CDH13: variants seen among roughly 807,000 people sequenced by gnomAD.
The protein encoded by CDH13 is cadherin-13.
CDH13 carries 24 observed loss-of-function variants against 63.8 expected under a neutral mutation model. The observed-to-expected ratio is 0.38, with a 90% CI of 0.27 to 0.53. The LOEUF (loss-of-function observed/expected upper bound fraction) is 0.53. Among genes scored for constraint, CDH13 ranks in the 20% least tolerant of loss-of-function variants. The pLI is 0.85. For missense variants in CDH13, 1,049 were observed against 903.1 expected (o/e 1.16, Z -2.07); for synonymous variants, 503 against 355.3 (o/e 1.42, Z -4.67).
intron 4 of CDH13, among the ~76,000 whole-genome samples, chr16:83,147,021 G>C (rs1567876209): frequency 6.6e-6 from 1 of 152,106 alleles, no homozygotes; most frequent in Non-Finnish European, 1.5e-5. Context: ...TCAAGAGGTG[G>C]AGGCTACAGT....
At chr16:82,907,233 C>T (rs905659289) in intron 2 of CDH13, among the ~76,000 whole-genome samples, 3 of 152,244 alleles carry the variant, frequency 2.0e-5, no homozygotes, top group South Asian at 2.1e-4. Flanking sequence ...CAGAAAAGAA[C>T]GCGAACCAAA....
intron 1 of CDH13, among the ~76,000 whole-genome samples, chr16:82,759,271 A>C (rs1307407448): frequency 6.6e-6 from 1 of 151,932 alleles, no homozygotes; most frequent in Non-Finnish European, 1.5e-5. Flanking sequence ...CATTTTTCAC[A>C]CCTCCTCACT....
intron 1 of CDH13, among the ~76,000 whole-genome samples, chr16:82,655,780 A>G (rs955334659): frequency 6.6e-5 from 10 of 152,192 alleles, no homozygotes; most frequent in Admixed American, 5.2e-4. Flanking sequence ...CATTGCCCTT[A>G]TTATCATTCT....
chr16:83,481,545 C>T (rs1336141046), intron 6 of CDH13, among the ~76,000 whole-genome samples: 1 of 152,184 alleles, frequency 6.6e-6, no homozygotes, highest in Non-Finnish European at 1.5e-5. Flanking sequence ...GAGAGAGCTG[C>T]AGTCAGGAGG....
chr16:82,693,408 T>C (rs1915821550), intron 1 of CDH13, among the ~76,000 whole-genome samples: 2 of 151,782 alleles, frequency 1.3e-5, no homozygotes, highest in Admixed American at 1.3e-4. Context: ...GCAGGACATA[T>C]CTGTGCACCT....
chr16:83,186,944 A>C (rs1404276029), intron 4 of CDH13, among the ~76,000 whole-genome samples: 1 of 151,774 alleles, frequency 6.6e-6, no homozygotes, highest in African/African-American at 2.4e-5. Context: ...ATTGTAACCT[A>C]TTTTATGAAT....
chr16:83,015,657 A>ATGTGTGTG (rs145413477), intron 2 of CDH13, among the ~76,000 whole-genome samples: 4 of 82,068 alleles, frequency 4.9e-5, no homozygotes, highest in Non-Finnish European at 8.9e-5. Context: ...TGCAGCATAT[A>ATGTGTGTG]TGTGTGTGTG....
chr16:83,651,949 A>G (rs1912423689), intron 8 of CDH13, among the ~76,000 whole-genome samples: 1 of 152,168 alleles, frequency 6.6e-6, no homozygotes, highest in African/African-American at 2.4e-5. Flanking sequence ...CTCCTCACGC[A>G]GATTTTCATT....
At chr16:82,995,172 C>T (rs1454909134) in intron 2 of CDH13, among the ~76,000 whole-genome samples, 1 of 152,194 alleles carries the variant, frequency 6.6e-6, no homozygotes, top group African/African-American at 2.4e-5. Context: ...CTAGGACCCT[C>T]TCTCCATTCT....
At chr16:83,245,537 T>C (rs149994234) in intron 5 of CDH13, among the ~76,000 whole-genome samples, 12 of 152,358 alleles carry the variant, frequency 7.9e-5, no homozygotes, top group Admixed American at 3.9e-4. Flanking sequence ...TTCGAGTTAA[T>C]AGATGTGGTG....
At chr16:83,772,891 T>C (rs1048402894) in intron 11 of CDH13, 3 of 152,186 alleles carry the variant, frequency 2.0e-5, no homozygotes, top group African/African-American at 7.2e-5. Flanking sequence ...CAGGACAGAG[T>C]TTGAAAGGCA....
chr16:83,114,432 A>G (rs909245828), intron 3 of CDH13, among the ~76,000 whole-genome samples: 2 of 152,206 alleles, frequency 1.3e-5, no homozygotes, highest in African/African-American at 4.8e-5. Flanking sequence ...GGTGTAATTT[A>G]CAACAGCTTA....
intron 7 of CDH13, among the ~76,000 whole-genome samples, chr16:83,513,933 G>C (rs1037913449): frequency 6.6e-6 from 1 of 152,112 alleles, no homozygotes; most frequent in Non-Finnish European, 1.5e-5. Flanking sequence ...AAAAAGTAAG[G>C]GGTTATTTTG....
At chr16:83,709,404 A>G (rs1321739772) in intron 10 of CDH13, among the ~76,000 whole-genome samples, 5 of 152,180 alleles carry the variant, frequency 3.3e-5, no homozygotes, top group African/African-American at 1.2e-4. Context: ...GACTCCCTCT[A>G]TAATCAGTAC....
rs1376878589 is a variant in CDH13 at position 82,644,256 on chromosome 16, T to A, written c.45+17119T>A. 6.6e-6 allele frequency among the ~76,000 whole-genome samples: 1 copy of A among 152,124 alleles called. No homozygotes were observed. Among genetic ancestry groups the A allele is most frequent in the Admixed American group, 6.5e-5 (1 of 15,268 alleles). On this transcript the variant is annotated intron_variant, in intron 1 of 13. Coordinates refer to ENST00000567109, the MANE Select transcript of CDH13 (RefSeq NM_001257.5). This position sits in a 1 kb window ranked among gnomAD's most constrained non-coding sequence, Gnocchi z 5.7. The stretch of plus-strand genomic sequence containing the variant: ...GAGAAGTCAATCTAAGGTCTAAGGC[T>A]GGGAAAGGAGCTCCCACTTCTTACA...
chr16:83,608,027 G>A (rs75168582), intron 8 of CDH13, among the ~76,000 whole-genome samples: 2,763 of 151,940 alleles, frequency 0.018, 93 homozygotes, highest in African/African-American at 0.064. Flanking sequence ...TAATAAACTC[G>A]CTATTAATTA....
chr16:82,815,831 G>T (rs774646129), intron 1 of CDH13, among the ~76,000 whole-genome samples: 7 of 152,146 alleles, frequency 4.6e-5, no homozygotes, highest in African/African-American at 9.7e-5. Context: ...TTATATTCCA[G>T]ATAGTTCACG....
chr16:83,059,799 T>G (rs1280262862), intron 3 of CDH13, among the ~76,000 whole-genome samples: 10 of 146,788 alleles, frequency 6.8e-5, no homozygotes, highest in African/African-American at 2.0e-4. Flanking sequence ...GTTTGTTTTT[T>G]TTTTTTTTTT....
At chr16:83,368,860 A>G (rs1407122411) in intron 6 of CDH13, among the ~76,000 whole-genome samples, 2 of 102,024 alleles carry the variant, frequency 2.0e-5, no homozygotes, top group Non-Finnish European at 3.8e-5. Context: ...ATTCTTTTTT[A>G]TGGCTGAGTA....
Sources: gnomAD v4.1 joint callset for allele counts (sites outside exome capture counted in the v4.1 genomes callset) on GRCh38, gnomAD v4.1.1 for gene constraint, Gnocchi (gnomAD v3.1) non-coding constraint, MANE v1.5 for transcripts, NCBI Gene and HGNC (gene_info 2026-07-23, HGNC 2026-07-21) for gene names.